Variants in KCNIP4 observed in about 807,000 individuals in gnomAD.
KCNIP4 encodes the protein potassium voltage-gated channel interacting protein 4, also known as Kv channel-interacting protein 4.
KCNIP4 carries 12 observed loss-of-function variants against 34.0 expected under a neutral mutation model. That is an observed-to-expected ratio of 0.35 (90% CI 0.23 to 0.57). The LOEUF (loss-of-function observed/expected upper bound fraction) is 0.57, where lower values mean the gene tolerates loss of function less well. Among genes scored for constraint, KCNIP4 ranks in the 20% least tolerant of loss-of-function variants. KCNIP4 has a pLI of 0.83. For missense variants in KCNIP4, 238 were observed against 311.7 expected (o/e 0.76, Z 1.78); for synonymous variants, 124 against 102.2 (o/e 1.21, Z -1.29).
intron 1 of KCNIP4, among the ~76,000 whole-genome samples, chr4:21,318,864 A>C (rs1344669581): frequency 6.6e-6 from 1 of 152,112 alleles, no homozygotes; most frequent in Non-Finnish European, 1.5e-5. Flanking sequence ...AGAGTCTTTC[A>C]ATGAGAAATT....
At chr4:20,885,468 C>G (rs1337443317) in intron 1 of KCNIP4, among the ~76,000 whole-genome samples, 5 of 152,178 alleles carry the variant, frequency 3.3e-5, no homozygotes, top group African/African-American at 9.7e-5. Context: ...TTTTCCATAT[C>G]CCTAGGATTG....
chr4:21,788,519 A>G (rs376484058), intron 1 of KCNIP4, among the ~76,000 whole-genome samples: 31 of 151,964 alleles, frequency 2.0e-4, no homozygotes, highest in African/African-American at 7.5e-4. Flanking sequence ...AACAAGATGC[A>G]TGCATTCTAC....
rs187334056 is a variant in KCNIP4 at position 21,339,142 on chromosome 4, C to T, written c.62-456433G>A. 3.3e-3 allele frequency among the ~76,000 whole-genome samples: 500 copies of T among 152,240 alleles called. 5 individuals are homozygous for T. The highest frequency in any genetic ancestry group is 0.012 in the African/African-American group (479 of 41,542). ...TGCTGCTAGACAGATAAAGCATGATCGCTGTCTACTATAGGGTCACATGCA... is the reference window on the plus strand; with the variant it reads ...TGCTGCTAGACAGATAAAGCATGATTGCTGTCTACTATAGGGTCACATGCA... On this transcript the variant is annotated intron_variant, in intron 1 of 8. Coordinates refer to ENST00000382152, the MANE Select transcript of KCNIP4 (RefSeq NM_025221.6).
intron 1 of KCNIP4, among the ~76,000 whole-genome samples, chr4:21,703,393 T>C (rs1323772630): frequency 6.6e-6 from 1 of 152,166 alleles, no homozygotes; most frequent in East Asian, 1.9e-4. Context: ...TTTATTATAC[T>C]TTAAGTTTTA....
At chr4:21,631,013 T>A (rs1190759861) in intron 1 of KCNIP4, among the ~76,000 whole-genome samples, 2 of 152,230 alleles carry the variant, frequency 1.3e-5, no homozygotes, top group Non-Finnish European at 1.5e-5. Context: ...TTCACCTGGC[T>A]ACTTTCTACA....
intron 1 of KCNIP4, among the ~76,000 whole-genome samples, chr4:21,500,162 G>A (rs1215935884): frequency 2.6e-5 from 4 of 152,058 alleles, no homozygotes; most frequent in Non-Finnish European, 1.5e-5. Flanking sequence ...ATCAACTAAA[G>A]TTATTTAAGC....
At chr4:21,501,694 G>A in intron 1 of KCNIP4, among the ~76,000 whole-genome samples, 1 of 149,780 alleles carries the variant, frequency 6.7e-6, no homozygotes, top group Non-Finnish European at 1.5e-5. Context: ...AGCCTTGTGT[G>A]TGTGTGTGTG....
chr4:21,076,358 C>A (rs1232299642), intron 1 of KCNIP4, among the ~76,000 whole-genome samples: 1 of 152,096 alleles, frequency 6.6e-6, no homozygotes, highest in African/African-American at 2.4e-5. Flanking sequence ...CTCATCCTTT[C>A]CTGAAATGTT....
At position 20,963,437 on chromosome 4, in the gene KCNIP4, C is replaced by CT. The variant is rs377230941; in HGVS notation, c.62-80729dup. ...TATTATTATTCCTATTATATGAACA[C>CT]TTTTTTTTTAAAACTCAGGGAGTCA... On this transcript the variant is annotated intron_variant, in intron 1 of 8. Coordinates refer to ENST00000382152, the MANE Select transcript of KCNIP4 (RefSeq NM_025221.6). Among the ~76,000 whole-genome samples, 867 of 151,136 alleles carry CT rather than the reference C, an allele frequency of 5.7e-3. 11 individuals are homozygous for CT. Among genetic ancestry groups the CT allele is most frequent in the African/African-American group, 0.017 (717 of 41,272 alleles).
intron 1 of KCNIP4, among the ~76,000 whole-genome samples, chr4:21,834,769 C>G (rs1037037934): frequency 3.3e-5 from 5 of 151,670 alleles, no homozygotes; most frequent in African/African-American, 1.2e-4. Context: ...TATGTCCCAT[C>G]AATACTTAAT....
At chr4:21,100,305 C>T (rs748811622) in intron 1 of KCNIP4, among the ~76,000 whole-genome samples, 1 of 152,140 alleles carries the variant, frequency 6.6e-6, no homozygotes, top group Admixed American at 6.6e-5. Context: ...AATCCCAGCA[C>T]TTTGGGAGGC....
chr4:21,105,358 A>G (rs1748418057), intron 1 of KCNIP4, among the ~76,000 whole-genome samples: 1 of 151,580 alleles, frequency 6.6e-6, no homozygotes, highest in Admixed American at 6.5e-5. Flanking sequence ...CTTTGAAGCA[A>G]TTGTGAATGG....
At chr4:20,887,174 T>C (rs950020499) in intron 1 of KCNIP4, among the ~76,000 whole-genome samples, 22 of 151,888 alleles carry the variant, frequency 1.4e-4, no homozygotes, top group Admixed American at 1.2e-3. Flanking sequence ...GAAAGGATTA[T>C]GAGCTTGAAT....
rs545710256 is a variant in KCNIP4 at position 21,641,791 on chromosome 4, G to A, written c.61+306780C>T. 5.3e-5 allele frequency among the ~76,000 whole-genome samples: 8 copies of A among 152,276 alleles called. No individual in the cohort carries two copies. The East Asian group carries it at 1.2e-3, about 22-fold the overall frequency. On this transcript the variant is annotated intron_variant, in intron 1 of 8. Transcript: ENST00000382152. The stretch of plus-strand genomic sequence containing the variant: ...GCAAAGTGGACATTGTAGCAGGGAC[G>A]TAGGTTATGCATTGGCTCAGAAACA...
intron 1 of KCNIP4, among the ~76,000 whole-genome samples, chr4:20,887,978 G>T (rs1162608986): frequency 2.6e-5 from 4 of 151,942 alleles, no homozygotes; most frequent in Non-Finnish European, 5.9e-5. Context: ...TTTAATGTAT[G>T]ATGCTTACAT....
chr4:20,752,447 A>G (rs533058195), intron 4 of KCNIP4: 2 of 152,338 alleles, frequency 1.3e-5, no homozygotes, highest in South Asian at 2.1e-4. Context: ...TTCAGTAAAT[A>G]TTAGCTATTA....
intron 1 of KCNIP4, among the ~76,000 whole-genome samples, chr4:21,335,170 T>C (rs1345057898): frequency 2.0e-5 from 3 of 151,964 alleles, no homozygotes; most frequent in Admixed American, 2.0e-4. Flanking sequence ...AAAATACACA[T>C]CAGTTCTTGT....
chr4:21,483,069 G>A (rs1057454711), intron 1 of KCNIP4, among the ~76,000 whole-genome samples: 2 of 139,882 alleles, frequency 1.4e-5, no homozygotes, highest in African/African-American at 2.7e-5. Context: ...CACACACTGG[G>A]GCCTGTTGTG....
intron 1 of KCNIP4, among the ~76,000 whole-genome samples, chr4:21,347,064 A>G (rs565622181): frequency 1.6e-4 from 24 of 152,308 alleles, no homozygotes; most frequent in African/African-American, 5.3e-4. Flanking sequence ...TAGTTCTGCA[A>G]CCTTCTAGCT....
Sources: allele counts gnomAD v4.1 joint callset (sites outside exome capture counted in the v4.1 genomes callset), GRCh38; gene constraint gnomAD v4.1.1; transcripts MANE v1.5; gene names NCBI Gene and HGNC (gene_info 2026-07-23, HGNC 2026-07-21).